ESRP1: variants seen among roughly 807,000 people sequenced by gnomAD.
The protein encoded by ESRP1 is epithelial splicing regulatory protein 1, also known as RNA-binding motif protein 35A.
ESRP1 carries 33 observed loss-of-function variants against 81.7 expected under a neutral mutation model. That is an observed-to-expected ratio of 0.40 (90% CI 0.31 to 0.54). ESRP1 has a LOEUF of 0.54. Ranked by LOEUF, ESRP1 falls within the 20% of genes least tolerant of loss-of-function variation. ESRP1 has a pLI of 0.41. For missense variants in ESRP1, 672 were observed against 833.1 expected (o/e 0.81, Z 2.38); for synonymous variants, 320 against 303.3 (o/e 1.06, Z -0.57).
At chr8:94,678,138 A>G in intron 12 of ESRP1, 65 bp from the exon 13 acceptor site, 2 of 1,514,016 alleles carry the variant, frequency 1.3e-6, no homozygotes, top group Non-Finnish European at 1.8e-6. Flanking sequence ...CTATGTTTTT[A>G]GTGCTAGCAC....
At chr8:94,695,520 T>C (rs77448663) in intron 14 of ESRP1, among the ~76,000 whole-genome samples, 3,083 of 150,564 alleles carry the variant, frequency 0.02, 95 homozygotes, top group African/African-American at 0.07. Context: ...GCCTGGCTAA[T>C]ATTTTGTATT....
chr8:94,668,205 A>G lies in ESRP1; in HGVS notation c.1188A>G (p.Lys396=). The G allele has an allele frequency of 6.2e-7, 1 of 1,612,638 alleles. No homozygotes were observed. Among genetic ancestry groups the G allele is most frequent in the Admixed American group, 1.7e-5 (1 of 59,920 alleles). Residue 396 remains lysine, a synonymous_variant, in exon 10 of 16, where the codon AAA becomes AAG. Coordinates refer to ENST00000433389, the MANE Select transcript of ESRP1 (RefSeq NM_017697.4). ...GGAAGCATAAAGACTTGTTGGGTAA[A>G]AGATACATTGAACTCTTCAGGAGCA... is the stretch of plus-strand genomic sequence containing the variant. The part of the protein sequence containing the change: ...ALRKHKDLLG[K]RYIELFRSTA...
In ESRP1 at chr8:94,689,811, C is replaced by CTTTTTTTTTTTTTTTTTTTTTTTTTTTTT. The variant is rs58359551; in HGVS notation, c.1821-2841_1821-2840insTTTTTTTTTTTTTTTTTTTTTTTTTTTTT. ...CACAGGCATGTGCTATGATGCCTGG[C>CTTTTTTTTTTTTTTTTTTTTTTTTTTTTT]TTTTTTTTTTTTTTTTTTTTTTTTT... On this transcript the variant is annotated intron_variant, in intron 13 of 15. Transcript: ENST00000433389. Among the ~76,000 whole-genome samples, 22 of 64,658 alleles carry CTTTTTTTTTTTTTTTTTTTTTTTTTTTTT rather than the reference C, an allele frequency of 3.4e-4. 2 individuals are homozygous for CTTTTTTTTTTTTTTTTTTTTTTTTTTTTT. The highest frequency in any genetic ancestry group is 4.8e-4 in the Non-Finnish European group (16 of 33,658). The allele number at this position is 64,658 out of a possible 152,430, so 42.4% of individuals were successfully genotyped here. A position where few individuals can be genotyped will look rare whatever the true frequency, so the allele number is the denominator to read the frequency against.
intron 10 of ESRP1, among the ~76,000 whole-genome samples, chr8:94,670,603 A>C (rs918395829): frequency 6.6e-6 from 1 of 152,262 alleles, no homozygotes; most frequent in Non-Finnish European, 1.5e-5. Context: ...GAGATGCCAC[A>C]GATGGCATTT....
Position 94,684,665 on chromosome 8 carries a change from C to T in ESRP1, c.1820+6294C>T, listed in dbSNP as rs117279983. Among the ~76,000 whole-genome samples the T allele has an allele frequency of 2.1e-3, 318 of 152,288 alleles. 4 individuals carry two copies. The highest frequency in any genetic ancestry group is 3.6e-3 in the Non-Finnish European group (243 of 68,024). ...TCAAAAATGTGAAACAATATGTAGT[C>T]ACTCATTCAGAGGGGAGACTGTAAT... On this transcript the variant is annotated intron_variant, in intron 13 of 15. Transcript: ENST00000433389.
At chr8:94,641,886 C>T (rs994026961) in intron 1 of ESRP1, 70 bp from the exon 2 acceptor site, 8 of 1,581,570 alleles carry the variant, frequency 5.1e-6, no homozygotes, top group Non-Finnish European at 6.9e-6. Flanking sequence ...AGCAGGGGAG[C>T]GAGGGAGGAG....
chr8:94,681,920 C>T (rs761080743), intron 13 of ESRP1, among the ~76,000 whole-genome samples: 4 of 152,136 alleles, frequency 2.6e-5, no homozygotes, highest in Admixed American at 2.0e-4. Flanking sequence ...GGTGACAGAG[C>T]GAGACTCAGT....
Position 94,696,874 on chromosome 8 carries a change from T to C in ESRP1, c.1994T>C (p.Ile665Thr), listed in dbSNP as rs1455670233. The C allele has an allele frequency of 8.2e-6, 13 of 1,594,868 alleles. No homozygotes were observed. Among genetic ancestry groups the C allele is most frequent in the Non-Finnish European group, 9.4e-6 (11 of 1,170,292 alleles). ...TAGTATGCAACCGAGGATGGACTTA[T>C]ACACACAAATGACCAGGCCAGGACT... ...GYQYATEDGL[I>T]HTNDQARTLP... Residue 665 changes from isoleucine to threonine, a missense_variant, in exon 15 of 16, where the codon ATA (isoleucine) becomes ACA (threonine). Transcript: ENST00000433389.
intron 15 of ESRP1, among the ~76,000 whole-genome samples, chr8:94,702,762 T>C (rs1297251409): frequency 6.6e-6 from 1 of 152,040 alleles, no homozygotes; most frequent in Non-Finnish European, 1.5e-5. Context: ...GGATTATAGG[T>C]GTGAGCCGCC....
chr8:94,646,467 T>C (rs952993482), intron 4 of ESRP1, 185 bp downstream of exon 4: 4 of 487,078 alleles, frequency 8.2e-6, no homozygotes, highest in Admixed American at 7.6e-5. Context: ...TTATAATTAA[T>C]CAGATGGTTG....
At position 94,641,401 on chromosome 8, in the gene ESRP1, A is replaced by G; in HGVS notation, c.83A>G (p.Lys28Arg). The change falls in exon 1 of 16, where the codon AAG becomes AGG. Residue 28 changes from lysine to arginine, a missense_variant. By Grantham distance (26) the Lys-to-Arg change is conservative. Transcript: ENST00000433389. Reference sequence around the variant, plus strand: ...GGGGCCAAGCTAGGCTCGGATGAGAAGGAGTTGATCCTGCTGTTCTGGAAA... The same window carrying G: ...GGGGCCAAGCTAGGCTCGGATGAGAGGGAGTTGATCCTGCTGTTCTGGAAA... ...ATGAKLGSDE[K>R]ELILLFWKVV... is the part of the protein sequence containing the mutation. The G allele has an allele frequency of 6.2e-7, 1 of 1,613,914 alleles. No individual in the cohort carries two copies. The highest frequency in any genetic ancestry group is 8.5e-7 in the Non-Finnish European group (1 of 1,179,872).
intron 13 of ESRP1, among the ~76,000 whole-genome samples, chr8:94,690,165 A>G (rs1809333986): frequency 1.3e-5 from 2 of 150,620 alleles, no homozygotes; most frequent in Admixed American, 6.6e-5. Flanking sequence ...TTTTAGAGAC[A>G]GGATTTCACT....
At chr8:94,679,952 A>G (rs753695535) in intron 13 of ESRP1, among the ~76,000 whole-genome samples, 2 of 152,166 alleles carry the variant, frequency 1.3e-5, no homozygotes, top group African/African-American at 4.8e-5. Flanking sequence ...GAGTAAAAAT[A>G]TAATTTAAGT....
chr8:94,703,600 G>A (rs1809935958), intron 15 of ESRP1, among the ~76,000 whole-genome samples: 1 of 152,152 alleles, frequency 6.6e-6, no homozygotes, highest in South Asian at 2.1e-4. Flanking sequence ...CTATTTCCTA[G>A]TATAAATGTG....
intron 12 of ESRP1, 73 bp from the exon 13 acceptor site, chr8:94,678,130 A>G: frequency 2.7e-6 from 4 of 1,473,194 alleles, no homozygotes; most frequent in Admixed American, 3.6e-5. Context: ...AACAGTGACT[A>G]TGTTTTTAGT....
intron 4 of ESRP1, among the ~76,000 whole-genome samples, chr8:94,655,711 TG>T (rs1563522185): frequency 6.6e-6 from 1 of 151,882 alleles, no homozygotes; most frequent in Non-Finnish European, 1.5e-5. Context: ...GACCATCTGG[TG>T]AAACCCTGTC....
At chr8:94,661,615 T>A (rs147176716) in intron 4 of ESRP1, among the ~76,000 whole-genome samples, 17 of 152,338 alleles carry the variant, frequency 1.1e-4, no homozygotes, top group Admixed American at 5.2e-4. Flanking sequence ...CAAACCAAGT[T>A]TGAGCTATGT....
intron 13 of ESRP1, among the ~76,000 whole-genome samples, chr8:94,684,140 CA>C (rs1433174560): frequency 8.0e-6 from 1 of 125,050 alleles, no homozygotes; most frequent in Non-Finnish European, 1.7e-5. Flanking sequence ...AGCCACTGCG[CA>C]CGCCTTGGGG....
intron 13 of ESRP1, among the ~76,000 whole-genome samples, chr8:94,681,436 G>A (rs1300985502): frequency 1.3e-5 from 2 of 150,092 alleles, no homozygotes; most frequent in African/African-American, 2.5e-5. Flanking sequence ...TTAGGAGTTT[G>A]AGACCAGCCT....
Sources: allele counts gnomAD v4.1 joint callset (sites outside exome capture counted in the v4.1 genomes callset), GRCh38; gene constraint gnomAD v4.1.1; transcripts MANE v1.5; gene names NCBI Gene and HGNC (gene_info 2026-07-23, HGNC 2026-07-21).